The following TSNAXIP1 variants were observed in gnomAD, a reference collection of about 807,000 sequenced individuals.
TSNAXIP1 encodes translin-associated factor X-interacting protein 1.
Under a neutral mutation model 84.8 loss-of-function variants are expected in TSNAXIP1, and 89 were observed. The ratio of observed to expected loss-of-function variants is 1.05; its 90% CI spans 0.88 to 1.25. The LOEUF (loss-of-function observed/expected upper bound fraction) is 1.25, where lower values mean the gene tolerates loss of function less well. TSNAXIP1 is among the 50% of genes most tolerant of loss of function. TSNAXIP1 has a pLI of 0.00. For missense variants in TSNAXIP1, 874 were observed against 887.6 expected (o/e 0.98, Z 0.20); for synonymous variants, 347 against 335.2 (o/e 1.04, Z -0.39).
chr16:67,807,358 A>G, intron 1 of TSNAXIP1, 162 bp downstream of exon 1: 1 of 1,533,424 alleles, frequency 6.5e-7, no homozygotes, highest in Non-Finnish European at 8.7e-7. Context: ...GATTTAGCCC[A>G]GTGAAGACGT....
intron 4 of TSNAXIP1, 26 bp downstream of exon 4, chr16:67,821,251 G>A (rs1364420997): frequency 4.2e-6 from 6 of 1,428,980 alleles, no homozygotes; most frequent in Non-Finnish European, 5.7e-6. Context: ...GAAACTTGGG[G>A]AGGGCGGGGG....
intron 2 of TSNAXIP1, 139 bp downstream of exon 2, chr16:67,814,540 A>G: frequency 1.4e-6 from 1 of 739,716 alleles, no homozygotes; most frequent in Non-Finnish European, 2.3e-6. Context: ...CTTCTCAGTT[A>G]GAGAGTGTGG....
chr16:67,817,617 C>T (rs1236607263), intron 2 of TSNAXIP1, among the ~76,000 whole-genome samples: 2 of 147,672 alleles, frequency 1.4e-5, no homozygotes, highest in African/African-American at 4.9e-5. Flanking sequence ...AACGGCCGGG[C>T]GCGGTGGCTC....
chr16:67,826,658 A>G, intron 11 of TSNAXIP1, 34 bp from the exon 12 acceptor site: 2 of 1,611,616 alleles, frequency 1.2e-6, no homozygotes, highest in South Asian at 1.1e-5. Context: ...AACCAACCGT[A>G]AGACTCTGAC....
At chr16:67,808,967 A>C (rs1264598721) in intron 1 of TSNAXIP1, among the ~76,000 whole-genome samples, 1 of 150,756 alleles carries the variant, frequency 6.6e-6, no homozygotes, top group African/African-American at 2.4e-5. Context: ...TGGGAGGATC[A>C]CTTGAGGTAA....
chr16:67,824,235 G>C (rs185408364), intron 5 of TSNAXIP1, among the ~76,000 whole-genome samples: 55 of 152,154 alleles, frequency 3.6e-4, no homozygotes, highest in Admixed American at 3.4e-3. Flanking sequence ...AGAAGCACAG[G>C]GGGGCAGTCC....
rs2151266158 is a variant in TSNAXIP1 at position 67,825,831 on chromosome 16, G to A, written c.979G>A (p.Glu327Lys). The change falls in exon 8 of 16, where the codon GAG (glutamate) becomes AAG (lysine). Residue 327 changes from glutamate (E) to lysine (K), a missense_variant. Physicochemically the swap from Glu to Lys is moderately conservative, Grantham distance 56 (BLOSUM62 1). Coordinates refer to ENST00000561639, the MANE Select transcript of TSNAXIP1 (RefSeq NM_001288990.3). ...MQEKTNKDLQ[E>K]QLDTLRASYE... ...GGAGAAGACCAACAAGGATCTTCAG[G>A]AGCAGGTGCTGGCAGGCAGGCAGGG... The A allele has an allele frequency of 1.2e-6, 2 of 1,614,192 alleles. No homozygotes were observed. The highest frequency in any genetic ancestry group is 1.7e-6 in the Non-Finnish European group (2 of 1,180,040).
chr16:67,818,863 C>G (rs1183708285), intron 2 of TSNAXIP1, among the ~76,000 whole-genome samples: 2 of 152,058 alleles, frequency 1.3e-5, no homozygotes, highest in Non-Finnish European at 2.9e-5. Flanking sequence ...ACTACCAGGC[C>G]TGGTTAATTT....
intron 2 of TSNAXIP1, among the ~76,000 whole-genome samples, chr16:67,819,110 C>T (rs950487625): frequency 6.6e-6 from 1 of 151,904 alleles, no homozygotes; most frequent in Non-Finnish European, 1.5e-5. Context: ...GGCAGAGCTG[C>T]AGTGAGCAGA....
rs1270392681 is a variant in TSNAXIP1, at chr16:67,828,027, C to T, written c.*34C>T. 6.2e-7 allele frequency: 1 copy of T among 1,605,846 alleles called. No individual in the cohort carries two copies. The highest frequency in any genetic ancestry group is 8.5e-7 in the Non-Finnish European group (1 of 1,176,170). On this transcript the variant is annotated 3_prime_UTR_variant, in exon 16 of 16. Transcript: ENST00000561639. ...GGGCAGCCTGCGTACTCCAGTCCTG[C>T]TAACCCCTAGCTTTTAATATAAAAG...
rs573178541 is a variant in TSNAXIP1 at position 67,826,118 on chromosome 16, G to A, written c.1145-34G>A. 62 of 1,613,194 alleles carry A rather than the reference G, an allele frequency of 3.8e-5. 1 individual carries two copies. The South Asian group carries it at 6.0e-4, about 16-fold the overall frequency. ...GGGCCCCAGGTCCTGCTTACATGTG[G>A]GCCCAGACTCCAGCTCCCTCTCCCC... On this transcript the variant is annotated intron_variant, in intron 9 of 15. Transcript: ENST00000561639.
chr16:67,806,965 C>A lies in TSNAXIP1; in HGVS notation c.-185C>A, dbSNP rs1196682259. On this transcript the variant is annotated 5_prime_UTR_variant, in exon 1 of 16. Coordinates refer to ENST00000561639, the MANE Select transcript of TSNAXIP1 (RefSeq NM_001288990.3). ...ACTCTCAGGGCACCCGCTGCCGGGT[C>A]CCAGTCCACCTTTGCTACTTTGTCC... 2.2e-6 allele frequency: 2 copies of A among 923,026 alleles called. No individual in the cohort carries two copies. Among genetic ancestry groups the A allele is most frequent in the African/African-American group, 1.7e-5 (1 of 59,788 alleles). The allele number at this position is 923,026 out of a possible 1,614,324, so 57.2% of individuals were successfully genotyped here.
rs1450087894 is a variant in TSNAXIP1, at chr16:67,824,613, A to G, written c.512A>G (p.Glu171Gly). The change falls in exon 6 of 16, where the codon GAG becomes GGG. Residue 171 changes from glutamate to glycine, a missense_variant. Coordinates refer to ENST00000561639, the MANE Select transcript of TSNAXIP1 (RefSeq NM_001288990.3). Reference sequence around the variant, plus strand: ...CAAAGGGAGAAGATTCGGGCTCTGGAGCCCCTGAAGGCCAAGCTTGTCACT... The same window carrying G: ...CAAAGGGAGAAGATTCGGGCTCTGGGGCCCCTGAAGGCCAAGCTTGTCACT... ...AHQREKIRAL[E>G]PLKAKLVTVN... 1 of 1,614,006 alleles carries G rather than the reference A, an allele frequency of 6.2e-7. No individual in the cohort carries two copies. Among genetic ancestry groups the G allele is most frequent in the Non-Finnish European group, 8.5e-7 (1 of 1,179,976 alleles).
Position 67,807,093 on chromosome 16 carries a change from G to T in TSNAXIP1, c.-57G>T. ...GGCCTGGTCGCCATGGCGACCGGCT[G>T]TACGCTACCACAGCTTCCCAGGCCG... On this transcript the variant is annotated 5_prime_UTR_variant, in exon 1 of 16. Transcript: ENST00000561639. The T allele has an allele frequency of 2.0e-6, 3 of 1,527,498 alleles. No homozygotes were observed. 94.6% of individuals were successfully genotyped at this position (1,527,498 alleles called of 1,614,324 possible).
Position 67,807,117 on chromosome 16 carries a change from C to A in TSNAXIP1, c.-33C>A. The stretch of plus-strand genomic sequence containing the variant: ...TGTACGCTACCACAGCTTCCCAGGC[C>A]GCGGGTGCTGATTGCCCGCCTGCCC... On this transcript the variant is annotated 5_prime_UTR_variant, in exon 1 of 16. Transcript: ENST00000561639. 1.3e-6 allele frequency: 2 copies of A among 1,533,262 alleles called. No individual in the cohort carries two copies. The highest frequency in any genetic ancestry group is 1.4e-5 in the African/African-American group (1 of 73,026). The allele number at this position is 1,533,262 out of a possible 1,614,324, so 95.0% of individuals were successfully genotyped here. A position where few individuals can be genotyped will look rare whatever the true frequency, so the allele number is the denominator to read the frequency against.
intron 1 of TSNAXIP1, among the ~76,000 whole-genome samples, chr16:67,813,430 T>C (rs1195650262): frequency 2.0e-5 from 3 of 151,118 alleles, no homozygotes; most frequent in African/African-American, 7.3e-5. Context: ...CTTTGTAAGA[T>C]AGGCAAAGCA....
At position 67,816,824 on chromosome 16, in the gene TSNAXIP1, T is replaced by C. The variant is rs373011034; in HGVS notation, c.147+2423T>C. On this transcript the variant is annotated intron_variant, in intron 2 of 15. Coordinates refer to ENST00000561639, the MANE Select transcript of TSNAXIP1 (RefSeq NM_001288990.3). Reference sequence around the variant, plus strand: ...ACCCGGGCGGAGATCCCTCAGCTGTTAATAACCTAGCCGAGACCCGGCCCT... The same window carrying C: ...ACCCGGGCGGAGATCCCTCAGCTGTCAATAACCTAGCCGAGACCCGGCCCT... 9.1e-4 allele frequency among the ~76,000 whole-genome samples: 139 copies of C among 152,032 alleles called. 1 individual carries two copies. The highest frequency in any genetic ancestry group is 3.3e-3 in the South Asian group (16 of 4,816).
At chr16:67,826,106 T>C (rs767684360) in intron 9 of TSNAXIP1, 30 bp downstream of exon 9, 2 of 1,613,322 alleles carry the variant, frequency 1.2e-6, no homozygotes, top group Non-Finnish European at 1.7e-6. Context: ...CCCCAGGTCC[T>C]GCTTACATGT....
At chr16:67,808,769 G>A (rs1446360632) in intron 1 of TSNAXIP1, among the ~76,000 whole-genome samples, 2 of 151,874 alleles carry the variant, frequency 1.3e-5, no homozygotes, top group African/African-American at 2.4e-5. Flanking sequence ...GAAAAAAAAG[G>A]AAAAAGAAAA....
Sources: gnomAD v4.1 joint callset for allele counts (sites outside exome capture counted in the v4.1 genomes callset) on GRCh38, gnomAD v4.1.1 for gene constraint, MANE v1.5 for transcripts, NCBI Gene and HGNC (gene_info 2026-07-23, HGNC 2026-07-21) for gene names.